BCL9: variants seen among roughly 807,000 people sequenced by gnomAD.
BCL9 encodes the protein BCL9 transcription coactivator.
In BCL9, 25 loss-of-function variants were observed where a neutral mutation model predicts 88.5. The ratio of observed to expected loss-of-function variants is 0.28; its 90% CI spans 0.21 to 0.39. BCL9 has a LOEUF of 0.39. BCL9 is among the 10% of genes least tolerant of loss of function. BCL9 has a pLI of 1.00. For synonymous variants in BCL9, 711 were observed against 673.3 expected (o/e 1.06, Z -0.87); for missense variants, 1,817 against 1,877.8 (o/e 0.97, Z 0.60).
chr1:147,551,073 T>C lies in BCL9; in HGVS notation c.-478+9399T>C, dbSNP rs184027068. ...GGGACTTGTATTATTATTTCTACTT[T>C]ATAAATGAGGAGACAATAATAATAA... is the stretch of plus-strand genomic sequence containing the variant. On this transcript the variant is annotated intron_variant, in intron 1 of 9. Coordinates refer to ENST00000234739, the MANE Select transcript of BCL9 (RefSeq NM_004326.4). 1.2e-4 allele frequency among the ~76,000 whole-genome samples: 19 copies of C among 152,358 alleles called. No homozygotes were observed. In the East Asian group the frequency reaches 3.5e-3, roughly 28 times the overall value.
At chr1:147,575,001 C>T (rs1656046599) in intron 1 of BCL9, among the ~76,000 whole-genome samples, 1 of 152,158 alleles carries the variant, frequency 6.6e-6, no homozygotes, top group Non-Finnish European at 1.5e-5. Context: ...ACTTTTAAAC[C>T]TTTGAGGGCT....
chr1:147,566,245 T>G (rs1557827625), intron 1 of BCL9, among the ~76,000 whole-genome samples: 1 of 152,108 alleles, frequency 6.6e-6, no homozygotes, highest in Non-Finnish European at 1.5e-5. Flanking sequence ...CAATATGCAT[T>G]GTAGCTGTAG....
chr1:147,589,389 C>A (rs376061430), intron 1 of BCL9, among the ~76,000 whole-genome samples: 1 of 152,116 alleles, frequency 6.6e-6, no homozygotes, highest in African/African-American at 2.4e-5. Flanking sequence ...AGTGTATGAT[C>A]TATTGATTTC....
intron 1 of BCL9, among the ~76,000 whole-genome samples, chr1:147,580,288 G>A (rs1656309913): frequency 6.6e-6 from 1 of 152,206 alleles, no homozygotes; most frequent in Non-Finnish European, 1.5e-5. Flanking sequence ...AGGGAAAGGA[G>A]TGACAGATGA....
At chr1:147,573,273 A>G (rs1327945789) in intron 1 of BCL9, among the ~76,000 whole-genome samples, 1 of 152,224 alleles carries the variant, frequency 6.6e-6, no homozygotes, top group Non-Finnish European at 1.5e-5. Context: ...TAACATGGTG[A>G]AACCCCATCT....
intron 1 of BCL9, among the ~76,000 whole-genome samples, chr1:147,557,410 T>G (rs1264347602): frequency 1.3e-5 from 2 of 152,222 alleles, no homozygotes; most frequent in African/African-American, 4.8e-5. Flanking sequence ...TATATGCTTC[T>G]TGTGACAAAG....
intron 1 of BCL9, among the ~76,000 whole-genome samples, chr1:147,579,236 T>C (rs1553198371): frequency 6.6e-6 from 1 of 152,148 alleles, no homozygotes; most frequent in East Asian, 1.9e-4. Flanking sequence ...CTTCCATGGA[T>C]TTCAAATTTT....
At chr1:147,543,594 A>G (rs922151360) in intron 1 of BCL9, among the ~76,000 whole-genome samples, 2 of 152,220 alleles carry the variant, frequency 1.3e-5, no homozygotes, top group Non-Finnish European at 2.9e-5. Context: ...TTTCTACTTT[A>G]TAGTCAGAGA....
intron 1 of BCL9, among the ~76,000 whole-genome samples, chr1:147,550,857 GCTTGT>G (rs1374790807): frequency 8.4e-4 from 128 of 152,286 alleles, no homozygotes; most frequent in Non-Finnish European, 1.5e-3. Context: ...TATTTAAATA[GCTTGT>G]CTTAAGAATT....
chr1:147,542,987 G>A (rs1202928035), intron 1 of BCL9, among the ~76,000 whole-genome samples: 1 of 152,138 alleles, frequency 6.6e-6, no homozygotes, highest in Non-Finnish European at 1.5e-5. Context: ...ATATCTTACT[G>A]TGTGTGTACG....
intron 1 of BCL9, among the ~76,000 whole-genome samples, chr1:147,590,002 T>C (rs1282527592): frequency 2.6e-5 from 4 of 152,164 alleles, no homozygotes; most frequent in Non-Finnish European, 5.9e-5. Context: ...ACACTTGCCA[T>C]TGTCTTTCTT....
intron 1 of BCL9, among the ~76,000 whole-genome samples, chr1:147,586,702 A>G (rs1656617161): frequency 6.6e-6 from 1 of 152,136 alleles, no homozygotes; most frequent in Non-Finnish European, 1.5e-5. Context: ...CCAAGCCCGT[A>G]GTCTTCAGCC....
At chr1:147,595,170 C>G (rs111364951) in intron 1 of BCL9, among the ~76,000 whole-genome samples, 6 of 152,324 alleles carry the variant, frequency 3.9e-5, no homozygotes, top group African/African-American at 1.4e-4. Flanking sequence ...TGGTTGGGAT[C>G]CATTTTATTG....
chr1:147,604,229 C>A (rs373276127), intron 1 of BCL9, among the ~76,000 whole-genome samples: 93 of 152,292 alleles, frequency 6.1e-4, no homozygotes, highest in African/African-American at 2.2e-3. Context: ...AGGAGGTTCA[C>A]AAACATTTTC....
In BCL9 at chr1:147,624,563, G is replaced by A; in HGVS notation, c.3885G>A (p.Gly1295=). 1.2e-6 allele frequency: 2 copies of A among 1,614,186 alleles called. No homozygotes were observed. Among genetic ancestry groups the A allele is most frequent in the East Asian group, 2.2e-5 (1 of 44,872 alleles). The change falls in exon 10 of 10, where the codon GGG becomes GGA. Residue 1295 remains glycine (G), a synonymous_variant. Coordinates refer to ENST00000234739, the MANE Select transcript of BCL9 (RefSeq NM_004326.4). This position sits in a 1 kb window ranked among gnomAD's most constrained non-coding sequence, Gnocchi z 4.4. ...GLALPGMGGP[G]PVGTPDIPLG... Reference sequence around the variant, plus strand: ...CATTACCTGGCATGGGAGGTCCAGGGCCAGTGGGAACTCCGGACATCCCTC... The same window carrying A: ...CATTACCTGGCATGGGAGGTCCAGGACCAGTGGGAACTCCGGACATCCCTC...
intron 1 of BCL9, among the ~76,000 whole-genome samples, chr1:147,552,368 G>C (rs1184929838): frequency 1.3e-5 from 2 of 152,172 alleles, no homozygotes; most frequent in East Asian, 1.9e-4. Flanking sequence ...AGCACTTTGG[G>C]AGGCCAAGGC....
At position 147,570,630 on chromosome 1, in the gene BCL9, C is replaced by CTTTTCTTTTTTTTTT. The variant is rs1357272075; in HGVS notation, c.-478+28960_-478+28961insCTTTTTTTTTTTTTT. On this transcript the variant is annotated intron_variant, in intron 1 of 9. Coordinates refer to ENST00000234739, the MANE Select transcript of BCL9 (RefSeq NM_004326.4). ...TAACACAAAATTGTTGACTGATTTTCTTTTTTTTCTTTTTTTTTTTTGTAG... is the reference window on the plus strand; with the variant it reads ...TAACACAAAATTGTTGACTGATTTTCTTTTCTTTTTTTTTTTTTTTTTTCTTTTTTTTTTTTGTAG... 1.3e-4 allele frequency among the ~76,000 whole-genome samples: 2 copies of CTTTTCTTTTTTTTTT among 15,182 alleles called. 1 individual carries two copies. The allele number at this position is 15,182 out of a possible 152,430, so 10.0% of individuals were successfully genotyped here.
In BCL9 at chr1:147,611,791, C is replaced by CG; in HGVS notation, c.-44dup. The CG allele has an allele frequency of 6.3e-7, 1 of 1,594,112 alleles. No individual in the cohort carries two copies. The highest frequency in any genetic ancestry group is 8.6e-7 in the Non-Finnish European group (1 of 1,162,002). On this transcript the variant is annotated 5_prime_UTR_variant, in exon 4 of 10. The change abolishes the stop of an existing upstream ORF in the 5' untranslated region. Coordinates refer to ENST00000234739, the MANE Select transcript of BCL9 (RefSeq NM_004326.4). ...TTTCTGCTGCAACCCGAGAGGAACT[C>CG]GGTGAGCCTGTCCCGTTTGTGACTG...
intron 1 of BCL9, among the ~76,000 whole-genome samples, chr1:147,599,139 C>A (rs2101585456): frequency 6.6e-6 from 1 of 152,350 alleles, no homozygotes. Flanking sequence ...CTGAGCCAGG[C>A]TGGGCTGGGC....
Sources: allele counts gnomAD v4.1 joint callset (sites outside exome capture counted in the v4.1 genomes callset), GRCh38; gene constraint gnomAD v4.1.1; non-coding constraint Gnocchi (gnomAD v3.1); transcripts MANE v1.5; gene names NCBI Gene and HGNC (gene_info 2026-07-23, HGNC 2026-07-21).